DNAH6: variants seen among roughly 807,000 people sequenced by gnomAD.
DNAH6 encodes dynein axonemal heavy chain 6.
A neutral mutation model predicts 491.4 loss-of-function variants in DNAH6; 340 were observed. The ratio of observed to expected loss-of-function variants is 0.69; its 90% confidence interval spans 0.63 to 0.76. The LOEUF (loss-of-function observed/expected upper bound fraction) is 0.76, where lower values mean the gene tolerates loss of function less well. DNAH6 is among the 30% of genes least tolerant of loss of function. The pLI is 0.00. For synonymous variants in DNAH6, 1,603 were observed against 1,686.1 expected (o/e 0.95, Z 1.21); for missense variants, 4,443 against 4,972.2 (o/e 0.89, Z 3.20).
At chr2:84,628,347 A>G (rs1688076259) in intron 29 of DNAH6, among the ~76,000 whole-genome samples, 1 of 152,118 alleles carries the variant, frequency 6.6e-6, no homozygotes, top group Non-Finnish European at 1.5e-5. Flanking sequence ...CAGGGCTCTG[A>G]CCAGTCCCCT....
chr2:84,801,559 T>C (rs975343896), intron 70 of DNAH6, among the ~76,000 whole-genome samples: 17 of 151,938 alleles, frequency 1.1e-4, no homozygotes, highest in African/African-American at 4.1e-4. Context: ...CCAGAAGAGA[T>C]TGGGGGCCCA....
chr2:84,663,745 A>G (rs1035531241), intron 37 of DNAH6, among the ~76,000 whole-genome samples: 4 of 152,162 alleles, frequency 2.6e-5, no homozygotes, highest in Non-Finnish European at 5.9e-5. Context: ...AAATACAGAG[A>G]ACGCCACAAA....
chr2:84,730,609 G>T (rs1283368205), intron 61 of DNAH6, among the ~76,000 whole-genome samples: 1 of 152,132 alleles, frequency 6.6e-6, no homozygotes, highest in Non-Finnish European at 1.5e-5. Flanking sequence ...TTACGAATTT[G>T]TGTTGGGCCA....
At chr2:84,772,282 A>G (rs1675700420) in intron 64 of DNAH6, among the ~76,000 whole-genome samples, 1 of 152,174 alleles carries the variant, frequency 6.6e-6, no homozygotes, top group Admixed American at 6.5e-5. Context: ...GCAGTGATTG[A>G]GGAATTGAGG....
chr2:84,567,358 C>T (rs1681312361), intron 11 of DNAH6, among the ~76,000 whole-genome samples: 1 of 152,032 alleles, frequency 6.6e-6, no homozygotes, highest in Non-Finnish European at 1.5e-5. Context: ...CAATCCTAAG[C>T]AAAAAGAACA....
the DNAH6 span, among the ~76,000 whole-genome samples, chr2:84,488,434 T>C: frequency 6.6e-6 from 1 of 151,930 alleles, no homozygotes; most frequent in African/African-American, 2.4e-5. Flanking sequence ...AAAAGAAATC[T>C]AAAATTAAGT....
intron 44 of DNAH6, 93 bp from the exon 45 acceptor site, chr2:84,688,346 G>C: frequency 3.7e-6 from 4 of 1,081,192 alleles, no homozygotes; most frequent in Non-Finnish European, 5.0e-6. Context: ...CAAAATTCCA[G>C]TGTAGCTCTT....
intron 18 of DNAH6, among the ~76,000 whole-genome samples, chr2:84,596,763 T>C (rs1684626640): frequency 6.6e-6 from 1 of 152,156 alleles, no homozygotes; most frequent in African/African-American, 2.4e-5. Context: ...ATTTGCATAA[T>C]ATTTTTCCCT....
At position 84,691,416 on chromosome 2, in the gene DNAH6, C is replaced by T. The variant is rs193286787; in HGVS notation, c.7292+2823C>T. On this transcript the variant is annotated intron_variant, in intron 45 of 76. Transcript: ENST00000389394. ...TTCACTCTGCCCTCAATTTTATGCT[C>T]GCCTGGGCAGCTGAAGAGAAAAAAG... is the stretch of plus-strand genomic sequence containing the variant. 1.1e-3 allele frequency among the ~76,000 whole-genome samples: 164 copies of T among 152,276 alleles called. 1 individual carries two copies. The highest frequency in any genetic ancestry group is 3.6e-3 in the African/African-American group (149 of 41,568).
At chr2:84,481,591 A>C in the DNAH6 span, among the ~76,000 whole-genome samples, 1 of 152,116 alleles carries the variant, frequency 6.6e-6, no homozygotes, top group Non-Finnish European at 1.5e-5. Flanking sequence ...TAGATTCCCC[A>C]CTTGAATTTA....
intron 18 of DNAH6, among the ~76,000 whole-genome samples, chr2:84,598,510 G>T (rs933909596): frequency 6.6e-6 from 1 of 152,016 alleles, no homozygotes; most frequent in Non-Finnish European, 1.5e-5. Flanking sequence ...ATTAACTTGG[G>T]TAAATAACTA....
chr2:84,664,353 C>A (rs1460893761), intron 37 of DNAH6, among the ~76,000 whole-genome samples: 1 of 152,010 alleles, frequency 6.6e-6, no homozygotes, highest in Non-Finnish European at 1.5e-5. Flanking sequence ...TCAGGAGACC[C>A]ATCTCACGTG....
Position 84,812,334 on chromosome 2 carries a change from C to A in DNAH6, c.11740-7C>A. 6.5e-7 allele frequency: 1 copy of A among 1,547,594 alleles called. No individual in the cohort carries two copies. The highest frequency in any genetic ancestry group is 8.7e-7 in the Non-Finnish European group (1 of 1,145,460). On this transcript the variant is annotated splice_polypyrimidine_tract_variant and splice_region_variant and intron_variant, in intron 72 of 76. Coordinates refer to ENST00000389394, the MANE Select transcript of DNAH6 (RefSeq NM_001370.2). The stretch of plus-strand genomic sequence containing the variant: ...AAAGGCCACCAACCCCTTTTTTGTT[C>A]TTTCAGACTTCTCTGGAAACACTCA...
At chr2:84,589,826 CCAA>C (rs1683932444) in intron 16 of DNAH6, among the ~76,000 whole-genome samples, 1 of 150,996 alleles carries the variant, frequency 6.6e-6, no homozygotes, top group Admixed American at 6.6e-5. Flanking sequence ...TTTAGAGAGA[CCAA>C]CAACAAGAAA....
At chr2:84,768,768 A>G (rs1332896002) in intron 64 of DNAH6, among the ~76,000 whole-genome samples, 3 of 152,262 alleles carry the variant, frequency 2.0e-5, no homozygotes, top group Admixed American at 6.5e-5. Context: ...AAGTTGATCT[A>G]TATATTCAAT....
At chr2:84,716,642 A>G (rs1256041110) in intron 58 of DNAH6, among the ~76,000 whole-genome samples, 2 of 152,172 alleles carry the variant, frequency 1.3e-5, no homozygotes, top group Non-Finnish European at 2.9e-5. Flanking sequence ...AATATATTCT[A>G]AGGACTTGGC....
intron 5 of DNAH6, among the ~76,000 whole-genome samples, chr2:84,546,432 CA>C (rs1678796594): frequency 6.6e-6 from 1 of 152,108 alleles, no homozygotes; most frequent in Non-Finnish European, 1.5e-5. Context: ...AATATGGACA[CA>C]AGCATTGTCG....
At chr2:84,586,131 G>T (rs2104069110) in intron 15 of DNAH6, among the ~76,000 whole-genome samples, 1 of 152,348 alleles carries the variant, frequency 6.6e-6, no homozygotes, top group East Asian at 1.9e-4. Context: ...CCAGGCTGCA[G>T]AAGCAGGCAC....
chr2:84,470,464 G>A, the DNAH6 span, among the ~76,000 whole-genome samples: 2 of 152,160 alleles, frequency 1.3e-5, no homozygotes, highest in Admixed American at 6.5e-5. Flanking sequence ...CAAAGCTTGG[G>A]TTATTCCTGA....
Sources: gnomAD v4.1 joint callset for allele counts (sites outside exome capture counted in the v4.1 genomes callset) on GRCh38, gnomAD v4.1.1 for gene constraint, MANE v1.5 for transcripts, NCBI Gene and HGNC (gene_info 2026-07-23, HGNC 2026-07-21) for gene names.